The following ASAP2 variants were observed in gnomAD, a reference collection of about 807,000 sequenced individuals.
ASAP2 encodes ArfGAP with SH3 domain, ankyrin repeat and PH domain 2, also known as arf-GAP with SH3 domain, ANK repeat and PH domain-containing protein 2.
ASAP2 carries 45 observed loss-of-function variants against 131.4 expected under a neutral mutation model. The observed-to-expected ratio is 0.34, with a 90% CI of 0.27 to 0.44. The LOEUF (loss-of-function observed/expected upper bound fraction) is 0.44. Among genes scored for constraint, ASAP2 ranks in the 20% least tolerant of loss-of-function variants. ASAP2 has a pLI of 1.00. For missense variants in ASAP2, 1,011 were observed against 1,297.0 expected (o/e 0.78, Z 3.39); for synonymous variants, 510 against 503.0 (o/e 1.01, Z -0.19).
At position 9,374,849 on chromosome 2, in the gene ASAP2, T is replaced by A. The variant is rs201158432; in HGVS notation, c.1651T>A (p.Cys551Ser). Residue 551 changes from cysteine to serine, a missense_variant, in exon 17 of 28, where the codon TGC becomes AGC. Coordinates refer to ENST00000281419, the MANE Select transcript of ASAP2 (RefSeq NM_003887.3). ...TAACGCGGCGAAGCTTCACAGTCTT[T>A]GCGAGGCCGTCAAAACGAGAGATAT... ...ADNAAKLHSL[C>S]EAVKTRDIFG... 8.6e-4 allele frequency: 1,396 copies of A among 1,614,146 alleles called. 23 individuals are homozygous for A. In the South Asian group the frequency reaches 0.015, roughly 17 times the overall value.
intron 15 of ASAP2, among the ~76,000 whole-genome samples, chr2:9,363,616 C>T (rs1268977353): frequency 6.6e-6 from 1 of 152,130 alleles, no homozygotes; most frequent in Non-Finnish European, 1.5e-5. Context: ...CAGGTTCTTG[C>T]TCTGTCGCCC....
chr2:9,392,449 AG>A lies in ASAP2; in HGVS notation c.2519-1032del, dbSNP rs1261558391. ...AATTAAAAGCAGCCCAGCCCCAGCTAGAGTCAGTGCCATGTGTGCACATGCC... is the reference window on the plus strand; with the variant it reads ...AATTAAAAGCAGCCCAGCCCCAGCTAAGTCAGTGCCATGTGTGCACATGCC... On this transcript the variant is annotated intron_variant, in intron 23 of 27. Transcript: ENST00000281419. This position sits in a 1 kb window ranked among gnomAD's most constrained non-coding sequence, Gnocchi z 4.0. Among the ~76,000 whole-genome samples, 4 of 152,156 alleles carry A rather than the reference AG, an allele frequency of 2.6e-5. No homozygotes were observed. The highest frequency in any genetic ancestry group is 2.6e-4 in the Admixed American group (4 of 15,280).
At position 9,393,528 on chromosome 2, in the gene ASAP2, C is replaced by T. The variant is rs778807638; in HGVS notation, c.2565C>T (p.Ser855=). 2.4e-5 allele frequency: 39 copies of T among 1,603,524 alleles called. No individual in the cohort carries two copies. The highest frequency in any genetic ancestry group is 4.5e-5 in the East Asian group (2 of 44,336). Residue 855 remains serine, a synonymous_variant, in exon 24 of 28, where the codon AGC becomes AGT. Coordinates refer to ENST00000281419, the MANE Select transcript of ASAP2 (RefSeq NM_003887.3). ...TPPPPVAKTP[S]VMEALSQPSK... ...CCCCACCCGTTGCCAAGACGCCCAG[C>T]GTAATGGAAGCCTTGAGCCAGCCGA...
At chr2:9,383,457 G>A (rs1387225329) in intron 20 of ASAP2, among the ~76,000 whole-genome samples, 1 of 151,968 alleles carries the variant, frequency 6.6e-6, no homozygotes, top group Non-Finnish European at 1.5e-5. Context: ...ATGGGGTCTC[G>A]CTATGTTGCC....
intron 7 of ASAP2, among the ~76,000 whole-genome samples, chr2:9,334,349 C>T (rs534690133): frequency 6.6e-6 from 1 of 152,008 alleles, no homozygotes; most frequent in South Asian, 2.1e-4. Flanking sequence ...AGCCACAGCA[C>T]CCGGCCTCTG....
At chr2:9,388,755 T>G (rs1388672793) in intron 22 of ASAP2, among the ~76,000 whole-genome samples, 2 of 152,118 alleles carry the variant, frequency 1.3e-5, no homozygotes, top group Non-Finnish European at 2.9e-5. Context: ...CTGGGCAGAG[T>G]TGTGGCATCT....
intron 12 of ASAP2, among the ~76,000 whole-genome samples, chr2:9,351,484 A>C (rs1192561902): frequency 6.6e-6 from 1 of 152,172 alleles, no homozygotes; most frequent in Non-Finnish European, 1.5e-5. Flanking sequence ...TGATGTCTAA[A>C]AGAAAATAAG....
chr2:9,405,641 T>C lies in ASAP2; in HGVS notation c.*2314T>C, dbSNP rs1018258820. On this transcript the variant is annotated 3_prime_UTR_variant, in exon 28 of 28. Coordinates refer to ENST00000281419, the MANE Select transcript of ASAP2 (RefSeq NM_003887.3). ...TAAGTTTACTCTTCTTGTTAACTAG[T>C]CATTTGACTGGAAAAAAATAAAATA... 12 of 152,660 alleles carry C rather than the reference T, an allele frequency of 7.9e-5. No individual in the cohort carries two copies. Among genetic ancestry groups the C allele is most frequent in the African/African-American group, 2.9e-4 (12 of 41,476 alleles). 9.5% of individuals were successfully genotyped at this position (152,660 alleles called of 1,614,324 possible). A position where few individuals can be genotyped will look rare whatever the true frequency, so the allele number is the denominator to read the frequency against.
At chr2:9,234,090 G>A in intron 1 of ASAP2, among the ~76,000 whole-genome samples, 1 of 133,310 alleles carries the variant, frequency 7.5e-6, no homozygotes, top group East Asian at 2.2e-4. Context: ...CAGCCTGGGT[G>A]ACAGAGCGAA....
chr2:9,380,134 A>G (rs16867021), intron 19 of ASAP2, among the ~76,000 whole-genome samples: 5,147 of 152,246 alleles, frequency 0.034, 255 homozygotes, highest in African/African-American at 0.11. Context: ...GCTTTATTCA[A>G]TGAGTTACAG....
intron 3 of ASAP2, among the ~76,000 whole-genome samples, chr2:9,299,712 A>G (rs532516400): frequency 2.0e-5 from 3 of 152,086 alleles, no homozygotes; most frequent in Non-Finnish European, 2.9e-5. Flanking sequence ...TCTGCTTCTC[A>G]CTCCCAGACT....
chr2:9,331,066 TCATTCCCCCAC>T (rs1373282978), intron 7 of ASAP2, among the ~76,000 whole-genome samples: 2 of 152,216 alleles, frequency 1.3e-5, no homozygotes, highest in African/African-American at 4.8e-5. Context: ...GGAGCGCCTC[TCATTCCCCCAC>T]CACACACGCC....
At chr2:9,254,267 G>A (rs1274643094) in intron 1 of ASAP2, among the ~76,000 whole-genome samples, 2 of 109,150 alleles carry the variant, frequency 1.8e-5, no homozygotes, top group Non-Finnish European at 3.5e-5. Context: ...ACGTGTGTGT[G>A]TATGCATATA....
At chr2:9,289,124 A>G (rs1358161782) in intron 2 of ASAP2, among the ~76,000 whole-genome samples, 3 of 152,082 alleles carry the variant, frequency 2.0e-5, no homozygotes, top group Non-Finnish European at 4.4e-5. Context: ...ACCAAGGTTT[A>G]TTATCTTTCT....
intron 1 of ASAP2, among the ~76,000 whole-genome samples, chr2:9,266,024 C>A (rs188312468): frequency 1.3e-5 from 2 of 151,760 alleles, no homozygotes; most frequent in South Asian, 2.1e-4. Context: ...TCCACCCCCC[C>A]ACCCCCTGCC....
At chr2:9,257,767 G>A (rs552258968) in intron 1 of ASAP2, among the ~76,000 whole-genome samples, 4 of 152,166 alleles carry the variant, frequency 2.6e-5, no homozygotes, top group Admixed American at 6.5e-5. Context: ...CAAGTGATCC[G>A]CCCGCCTCGG....
chr2:9,395,646 C>T (rs1434151354), intron 24 of ASAP2, among the ~76,000 whole-genome samples: 1 of 102,398 alleles, frequency 9.8e-6, no homozygotes, highest in East Asian at 3.3e-4. Context: ...CTTGCTCTGT[C>T]GCCCAGGCTG....
chr2:9,393,612 G>T lies in ASAP2; in HGVS notation c.2649G>T (p.Pro883=), dbSNP rs200872410. The T allele has an allele frequency of 4.4e-6, 7 of 1,587,306 alleles. No individual in the cohort carries two copies. The African/African-American group carries it at 8.1e-5, about 18-fold the overall frequency. Residue 883 remains proline, a synonymous_variant, in exon 24 of 28, where the codon CCG becomes CCT. Transcript: ENST00000281419. ...GGCCCCCACCTCTGCCCCCACAGCC[G>T]CCCAGCCGCCTCCCGCAGAAGAAGC... The part of the protein sequence containing the change: ...QIRPPPLPPQ[P]PSRLPQKKPA...
chr2:9,317,889 A>G (rs1213578228), intron 3 of ASAP2, among the ~76,000 whole-genome samples: 2 of 151,814 alleles, frequency 1.3e-5, no homozygotes, highest in Non-Finnish European at 2.9e-5. Flanking sequence ...ACTCACATAC[A>G]CCCTCATGTG....
Sources: gnomAD v4.1 joint callset for allele counts (sites outside exome capture counted in the v4.1 genomes callset) on GRCh38, gnomAD v4.1.1 for gene constraint, Gnocchi (gnomAD v3.1) non-coding constraint, MANE v1.5 for transcripts, NCBI Gene and HGNC (gene_info 2026-07-23, HGNC 2026-07-21) for gene names.